KDM4B: variants seen among roughly 807,000 people sequenced by gnomAD.
The protein encoded by KDM4B is lysine demethylase 4B, also known as lysine-specific demethylase 4B.
A neutral mutation model predicts 125.2 loss-of-function variants in KDM4B; 32 were observed. The ratio of observed to expected loss-of-function variants is 0.26; its 90% confidence interval spans 0.19 to 0.34. KDM4B has a LOEUF of 0.34. KDM4B is among the 10% of genes least tolerant of loss of function. KDM4B has a pLI of 1.00. For synonymous variants in KDM4B, 721 were observed against 677.9 expected (o/e 1.06, Z -0.99); for missense variants, 1,190 against 1,577.7 (o/e 0.75, Z 4.16).
chr19:5,119,637 A>G lies in KDM4B; in HGVS notation c.1116-16A>G. 9 of 1,551,982 alleles carry G rather than the reference A, an allele frequency of 5.8e-6. No individual in the cohort carries two copies. The highest frequency in any genetic ancestry group is 7.8e-6 in the Non-Finnish European group (9 of 1,147,290). On this transcript the variant is annotated splice_polypyrimidine_tract_variant and intron_variant, in intron 10 of 22. Transcript: ENST00000159111. ...TCCCTGGTCTCCCCTCCTGCCTGAT[A>G]AACCTCCCTCTCCAGGTCTCACCGG... is the stretch of plus-strand genomic sequence containing the variant.
At chr19:5,143,863 G>A (rs1238735316) in intron 18 of KDM4B, 104 bp from the exon 19 acceptor site, 3 of 937,800 alleles carry the variant, frequency 3.2e-6, no homozygotes, top group Admixed American at 2.5e-5. Flanking sequence ...GGCCACTCCC[G>A]CGATGCCTCC....
Position 5,114,274 on chromosome 19 carries a change from G to A in KDM4B, c.1115+3456G>A, listed in dbSNP as rs1403991368. The A allele has an allele frequency of 4.8e-6, 6 of 1,262,524 alleles. No individual in the cohort carries two copies. The highest frequency in any genetic ancestry group is 1.5e-5 in the African/African-American group (1 of 65,336). 78.2% of individuals were successfully genotyped at this position (1,262,524 alleles called of 1,614,324 possible). A position where few individuals can be genotyped will look rare whatever the true frequency, so the allele number is the denominator to read the frequency against. ...CACCCGCCTCACCACAGCCTCCCTGGCCCACTGCTGCTCTGTGAGCCCGGC... is the reference window on the plus strand; with the variant it reads ...CACCCGCCTCACCACAGCCTCCCTGACCCACTGCTGCTCTGTGAGCCCGGC... On this transcript the variant is annotated intron_variant, in intron 10 of 22. Transcript: ENST00000159111. This position sits in a 1 kb window ranked among gnomAD's most constrained non-coding sequence, Gnocchi z 5.8.
At chr19:5,040,668 C>T (rs551963769) in intron 4 of KDM4B, among the ~76,000 whole-genome samples, 2 of 152,352 alleles carry the variant, frequency 1.3e-5, no homozygotes, top group South Asian at 4.1e-4. Context: ...TCGCCGTGCC[C>T]TCCTCTCTGT....
chr19:5,149,589 G>A (rs942078214), intron 21 of KDM4B, among the ~76,000 whole-genome samples: 6 of 152,214 alleles, frequency 3.9e-5, no homozygotes, highest in East Asian at 1.9e-4. Context: ...TTGGGAACAC[G>A]GCGCCCATCG....
At chr19:4,992,303 C>T (rs893226209) in intron 1 of KDM4B, among the ~76,000 whole-genome samples, 2 of 152,104 alleles carry the variant, frequency 1.3e-5, no homozygotes, top group East Asian at 1.9e-4. Context: ...ACGTACTGTG[C>T]TCCATCTGCC....
intron 1 of KDM4B, among the ~76,000 whole-genome samples, chr19:5,008,406 T>A (rs1052127147): frequency 6.6e-6 from 1 of 152,210 alleles, no homozygotes; most frequent in Non-Finnish European, 1.5e-5. Context: ...CTGTCTTGAT[T>A]ACTGTAGGTT....
intron 2 of KDM4B, among the ~76,000 whole-genome samples, chr19:5,025,214 G>T (rs1041604790): frequency 3.3e-5 from 5 of 152,216 alleles, no homozygotes; most frequent in Non-Finnish European, 7.3e-5. Flanking sequence ...GGGCGTGGTG[G>T]CTCACGCCTA....
Position 5,040,952 on chromosome 19 carries a change from C to T in KDM4B, c.318-185C>T, listed in dbSNP as rs186427646. Among the ~76,000 whole-genome samples the T allele has an allele frequency of 4.6e-5, 7 of 152,328 alleles. No homozygotes were observed. In the South Asian group the frequency reaches 6.2e-4, roughly 14 times the overall value. On this transcript the variant is annotated intron_variant, in intron 4 of 22. Transcript: ENST00000159111. Reference sequence around the variant, plus strand: ...GGGTACGTGGGTTTGGGCCACTGCTCGCCCGTGGAAGTGCGCTGTCCCACC... The same window carrying T: ...GGGTACGTGGGTTTGGGCCACTGCTTGCCCGTGGAAGTGCGCTGTCCCACC...
chr19:5,082,104 G>A lies in KDM4B; in HGVS notation c.781-263G>A, dbSNP rs2038315954. ...GACGGCCGCCTTGGGGCAGGGCAGG[G>A]GCTGCTGGGGCTGGAGGGGCCCGGC... On this transcript the variant is annotated intron_variant, in intron 8 of 22. Transcript: ENST00000159111. The surrounding 1 kb of genome is among the most constrained non-coding windows in gnomAD (Gnocchi z 5.4). Among the ~76,000 whole-genome samples the A allele has an allele frequency of 6.6e-6, 1 of 152,232 alleles. No individual in the cohort carries two copies. Among genetic ancestry groups the A allele is most frequent in the South Asian group, 2.1e-4 (1 of 4,832 alleles).
In KDM4B at chr19:5,131,947, G is replaced by T. The variant is rs750509109; in HGVS notation, c.1846G>T (p.Gly616Cys). The change falls in exon 13 of 23, where the codon GGC (glycine) becomes TGC (cysteine). Residue 616 changes from glycine to cysteine, a missense_variant. This residue lies in a region of KDM4B where 13 missense variants were observed against 34.8 expected (regional missense o/e 0.37). Transcript: ENST00000159111. ...EIKKSRRHPL[G>C]RPPTRSPLSV... The stretch of plus-strand genomic sequence containing the variant: ...CAAGAAGAGCCGGCGCCATCCCCTG[G>T]GCCGGCCGCCCACCCGGTCCCCACT... 6 of 1,612,296 alleles carry T rather than the reference G, an allele frequency of 3.7e-6. No homozygotes were observed. The highest frequency in any genetic ancestry group is 5.1e-6 in the Non-Finnish European group (6 of 1,179,728).
At chr19:5,119,333 C>T (rs1599225034) in intron 10 of KDM4B, 2 of 722,230 alleles carry the variant, frequency 2.8e-6, no homozygotes, top group East Asian at 5.4e-5. Context: ...CTCCTGCCGC[C>T]CCGTCCCGCC....
chr19:5,079,388 A>G (rs994127282), intron 8 of KDM4B, among the ~76,000 whole-genome samples: 8 of 152,194 alleles, frequency 5.3e-5, no homozygotes, highest in African/African-American at 1.9e-4. Flanking sequence ...AGCCACCAGG[A>G]TGCAGGTTTT....
chr19:5,012,991 T>C (rs993855416), intron 1 of KDM4B, among the ~76,000 whole-genome samples: 2 of 152,174 alleles, frequency 1.3e-5, no homozygotes, highest in African/African-American at 2.4e-5. Flanking sequence ...CTATTGCGGA[T>C]GGGGACCAGG....
At chr19:4,978,832 G>C (rs1421435703) in intron 1 of KDM4B, among the ~76,000 whole-genome samples, 1 of 152,204 alleles carries the variant, frequency 6.6e-6, no homozygotes, top group African/African-American at 2.4e-5. Flanking sequence ...TGTCACTGTA[G>C]CCACACCCTG....
intron 6 of KDM4B, among the ~76,000 whole-genome samples, chr19:5,059,847 C>T (rs2037529058): frequency 1.3e-5 from 2 of 152,230 alleles, no homozygotes; most frequent in East Asian, 1.9e-4. Context: ...ATCCAGACGA[C>T]GTTCTGCACA....
chr19:5,052,809 AC>A (rs1462087473), intron 6 of KDM4B, among the ~76,000 whole-genome samples: 1 of 152,114 alleles, frequency 6.6e-6, no homozygotes, highest in African/African-American at 2.4e-5. Flanking sequence ...GCGCCCGGGG[AC>A]CCTGGTGTGG....
At chr19:5,091,550 T>C (rs927383992) in intron 9 of KDM4B, among the ~76,000 whole-genome samples, 3 of 152,122 alleles carry the variant, frequency 2.0e-5, no homozygotes, top group African/African-American at 2.4e-5. Context: ...GGATGGGGGC[T>C]CCGGCAGGAA....
At chr19:5,088,895 G>A (rs1001423663) in intron 9 of KDM4B, among the ~76,000 whole-genome samples, 6 of 152,190 alleles carry the variant, frequency 3.9e-5, no homozygotes, top group Non-Finnish European at 7.3e-5. Flanking sequence ...GCCATGAGAA[G>A]GAGCAAGGCC....
intron 5 of KDM4B, among the ~76,000 whole-genome samples, chr19:5,046,097 C>T (rs1453290116): frequency 6.6e-6 from 1 of 152,178 alleles, no homozygotes; most frequent in Admixed American, 6.5e-5. Flanking sequence ...TGCATGAGAG[C>T]CTCTGGGTTG....
Sources: allele counts gnomAD v4.1 joint callset (sites outside exome capture counted in the v4.1 genomes callset), GRCh38; gene constraint gnomAD v4.1.1; regional missense constraint gnomAD v4.1.1; non-coding constraint Gnocchi (gnomAD v3.1); transcripts MANE v1.5; gene names NCBI Gene and HGNC (gene_info 2026-07-23, HGNC 2026-07-21).